PLEKHM3: variants seen among roughly 807,000 people sequenced by gnomAD.
PLEKHM3 encodes the protein pleckstrin homology domain containing M3.
A neutral mutation model predicts 81.8 loss-of-function variants in PLEKHM3; 45 were observed. The observed-to-expected ratio is 0.55, with a 90% CI of 0.43 to 0.71. The LOEUF is 0.71. Ranked by LOEUF, PLEKHM3 falls within the 30% of genes least tolerant of loss-of-function variation. PLEKHM3 has a pLI of 0.00. For synonymous variants in PLEKHM3, 352 were observed against 356.4 expected, an observed-to-expected ratio of 0.99 and a Z score of 0.14; for missense variants, 788 against 924.3, an observed-to-expected ratio of 0.85 and a Z score of 1.91.
intron 7 of PLEKHM3, among the ~76,000 whole-genome samples, chr2:207,845,235 T>C (rs1307607423): frequency 6.6e-6 from 1 of 152,250 alleles, no homozygotes; most frequent in African/African-American, 2.4e-5. Context: ...TGTACTCCTA[T>C]AATTAGTTGT....
chr2:207,890,165 G>T (rs570036064), intron 6 of PLEKHM3, among the ~76,000 whole-genome samples: 1 of 152,294 alleles, frequency 6.6e-6, no homozygotes, highest in Non-Finnish European at 1.5e-5. Context: ...TTGTCACGAG[G>T]TGACATCAGG....
At position 208,016,670 on chromosome 2, in the gene PLEKHM3, T is replaced by TACACACACACACACACACAC. The variant is rs370576889; in HGVS notation, c.-319+8699_-319+8718dup. ...GTCTCAAAAAAAAAAAAAAAAAAAATACACACACACACACACACACACACA... is the reference window on the plus strand; with the variant it reads ...GTCTCAAAAAAAAAAAAAAAAAAAATACACACACACACACACACACACACACACACACACACACACACACA... On this transcript the variant is annotated intron_variant, in intron 1 of 7. Transcript: ENST00000427836. Among the ~76,000 whole-genome samples the TACACACACACACACACACAC allele has an allele frequency of 9.3e-3, 602 of 64,904 alleles. 20 individuals carry two copies. The highest frequency in any genetic ancestry group is 0.019 in the African/African-American group (393 of 20,760). 42.6% of individuals were successfully genotyped at this position (64,904 alleles called of 152,430 possible). A position where few individuals can be genotyped will look rare whatever the true frequency, so the allele number is the denominator to read the frequency against.
chr2:207,930,800 G>A, intron 5 of PLEKHM3, 126 bp downstream of exon 5: 1 of 1,020,534 alleles, frequency 9.8e-7, no homozygotes, highest in Non-Finnish European at 1.5e-6. Flanking sequence ...GCAGTGGAGA[G>A]GCGGAGGGCG....
intron 6 of PLEKHM3, among the ~76,000 whole-genome samples, chr2:207,875,183 G>GTA (rs1228106267): frequency 6.6e-6 from 1 of 151,954 alleles, no homozygotes; most frequent in African/African-American, 2.4e-5. Flanking sequence ...AATTTCCTTA[G>GTA]TATACACAAA....
Position 207,865,801 on chromosome 2 carries a change from A to AAAAAATATATAT in PLEKHM3, c.1951-4540_1951-4539insATATATATTTTT. Among the ~76,000 whole-genome samples the AAAAAATATATAT allele has an allele frequency of 8.7e-4, 22 of 25,282 alleles. 2 individuals carry two copies. Among genetic ancestry groups the AAAAAATATATAT allele is most frequent in the African/African-American group, 2.7e-3 (13 of 4,794 alleles). 16.6% of individuals were successfully genotyped at this position (25,282 alleles called of 152,430 possible). A position where few individuals can be genotyped will look rare whatever the true frequency, so the allele number is the denominator to read the frequency against. On this transcript the variant is annotated intron_variant, in intron 6 of 7. Coordinates refer to ENST00000427836, the MANE Select transcript of PLEKHM3 (RefSeq NM_001080475.3). Reference sequence around the variant, plus strand: ...CGACTCAAAAAAAAAAAAAAAAAAAAAGATATATATATATATATATATATA... The same window carrying AAAAAATATATAT: ...CGACTCAAAAAAAAAAAAAAAAAAAAAAAAATATATATAGATATATATATATATATATATATA...
At chr2:207,926,855 C>T (rs536725231) in intron 5 of PLEKHM3, among the ~76,000 whole-genome samples, 7 of 152,210 alleles carry the variant, frequency 4.6e-5, no homozygotes, top group Non-Finnish European at 2.9e-5. Context: ...CAAACTATGA[C>T]TTCCCTAATA....
chr2:207,970,841 CT>C (rs1691094720), intron 3 of PLEKHM3, among the ~76,000 whole-genome samples: 1 of 152,204 alleles, frequency 6.6e-6, no homozygotes. Context: ...GGGTTTACCC[CT>C]CCCAAGGGTT....
chr2:207,952,131 G>A (rs1014407095), intron 3 of PLEKHM3, among the ~76,000 whole-genome samples: 2 of 152,140 alleles, frequency 1.3e-5, no homozygotes, highest in African/African-American at 4.8e-5. Context: ...AAGAAAAGAA[G>A]GTGCCTTTGT....
chr2:207,836,604 T>C (rs2092320920), intron 7 of PLEKHM3, among the ~76,000 whole-genome samples: 1 of 152,134 alleles, frequency 6.6e-6, no homozygotes, highest in African/African-American at 2.4e-5. Context: ...GCTGCAGAGT[T>C]TCCTGTTCTG....
intron 1 of PLEKHM3, among the ~76,000 whole-genome samples, chr2:208,007,961 G>A (rs986049110): frequency 1.3e-5 from 2 of 152,324 alleles, no homozygotes; most frequent in East Asian, 3.9e-4. Flanking sequence ...GCTGAGGCAG[G>A]AGAATGGCGT....
chr2:207,897,396 C>T (rs1039054748), intron 6 of PLEKHM3, among the ~76,000 whole-genome samples: 5 of 152,168 alleles, frequency 3.3e-5, no homozygotes, highest in African/African-American at 1.2e-4. Context: ...CAATACTCTA[C>T]CCCTAGTAAA....
chr2:207,878,933 C>A (rs1205859996), intron 6 of PLEKHM3, among the ~76,000 whole-genome samples: 4 of 152,102 alleles, frequency 2.6e-5, no homozygotes, highest in African/African-American at 9.7e-5. Flanking sequence ...ATAAAGTCTT[C>A]CCTAAGCTAG....
chr2:207,976,213 C>T lies in PLEKHM3; in HGVS notation c.1546+438G>A, dbSNP rs1374552916. Among the ~76,000 whole-genome samples, 3 of 152,244 alleles carry T rather than the reference C, an allele frequency of 2.0e-5. No individual in the cohort carries two copies. The highest frequency in any genetic ancestry group is 4.8e-5 in the African/African-American group (2 of 41,468). Reference sequence around the variant, plus strand: ...ACAAGGTCAAGATCAATGACAGTTACTGACTGTGGCCATTTTCCTTGCCTA... The same window carrying T: ...ACAAGGTCAAGATCAATGACAGTTATTGACTGTGGCCATTTTCCTTGCCTA... On this transcript the variant is annotated intron_variant, in intron 3 of 7. Transcript: ENST00000427836. This position sits in a 1 kb window ranked among gnomAD's most constrained non-coding sequence, Gnocchi z 4.1.
At chr2:207,941,484 C>T (rs531314669) in intron 4 of PLEKHM3, among the ~76,000 whole-genome samples, 5 of 152,188 alleles carry the variant, frequency 3.3e-5, no homozygotes, top group Non-Finnish European at 5.9e-5. Flanking sequence ...AAATGTATTA[C>T]AGACTGAAAT....
chr2:207,880,712 G>A (rs1183088208), intron 6 of PLEKHM3, among the ~76,000 whole-genome samples: 3 of 119,624 alleles, frequency 2.5e-5, no homozygotes, highest in South Asian at 2.9e-4. Context: ...GCAGTGAGCC[G>A]AGATCGTGCC....
At chr2:207,960,923 T>C (rs1020419101) in intron 3 of PLEKHM3, among the ~76,000 whole-genome samples, 5 of 152,220 alleles carry the variant, frequency 3.3e-5, no homozygotes, top group African/African-American at 1.2e-4. Flanking sequence ...GGGAAAAAAT[T>C]GCAGTGATGT....
rs1042693450 is a variant in PLEKHM3, at chr2:207,824,365, T to C, written c.*3954A>G. On this transcript the variant is annotated 3_prime_UTR_variant, in exon 8 of 8. Coordinates refer to ENST00000427836, the MANE Select transcript of PLEKHM3 (RefSeq NM_001080475.3). ...ACCCCTGTGTTGAAACCAGGCAGTA[T>C]TGGAATCAGGAGGTGAAGATCTGTT... 2 of 152,222 alleles carry C rather than the reference T, an allele frequency of 1.3e-5. No individual in the cohort carries two copies. The highest frequency in any genetic ancestry group is 6.5e-5 in the Admixed American group (1 of 15,280). 9.4% of individuals were successfully genotyped at this position (152,222 alleles called of 1,614,324 possible). A position where few individuals can be genotyped will look rare whatever the true frequency, so the allele number is the denominator to read the frequency against.
chr2:207,977,120 G>A lies in PLEKHM3; in HGVS notation c.1077C>T (p.Tyr359=). The A allele has an allele frequency of 6.2e-7, 1 of 1,614,156 alleles. No homozygotes were observed. Among genetic ancestry groups the A allele is most frequent in the Non-Finnish European group, 8.5e-7 (1 of 1,180,028 alleles). The change falls in exon 3 of 8, where the codon TAC becomes TAT. Residue 359 remains tyrosine (Y), a synonymous_variant. Coordinates refer to ENST00000427836, the MANE Select transcript of PLEKHM3 (RefSeq NM_001080475.3). ...PSPVLDSSKQ[Y]QNILKSGTLY... is the part of the protein sequence containing the mutation. ...GAGTCCCTGATTTGAGGATGTTTTG[G>A]TACTGTTTGGAGCTGTCCAGGACAG...
At chr2:207,998,704 G>A (rs543649146) in intron 2 of PLEKHM3, among the ~76,000 whole-genome samples, 2 of 152,304 alleles carry the variant, frequency 1.3e-5, no homozygotes, top group African/African-American at 4.8e-5. Flanking sequence ...ACTCAAAGGA[G>A]TAGTTCAGGT....
Sources: gnomAD v4.1 joint callset for allele counts (sites outside exome capture counted in the v4.1 genomes callset) on GRCh38, gnomAD v4.1.1 for gene constraint, Gnocchi (gnomAD v3.1) non-coding constraint, MANE v1.5 for transcripts, NCBI Gene and HGNC (gene_info 2026-07-23, HGNC 2026-07-21) for gene names.